TDRD3: variants seen among roughly 807,000 people sequenced by gnomAD.
TDRD3 encodes the protein tudor domain containing 3, also known as tudor domain-containing protein 3.
A neutral mutation model predicts 86.7 loss-of-function variants in TDRD3; 45 were observed. That is an observed-to-expected ratio of 0.52 (90% CI 0.41 to 0.67). The LOEUF is 0.67. Among genes scored for constraint, TDRD3 ranks in the 30% least tolerant of loss-of-function variants. The pLI is 0.00. For missense variants in TDRD3, 814 were observed against 889.0 expected (o/e 0.92, Z 1.07); for synonymous variants, 298 against 301.7 (o/e 0.99, Z 0.13).
At chr13:60,512,171 T>G (rs1957074283) in intron 10 of TDRD3, among the ~76,000 whole-genome samples, 1 of 152,128 alleles carries the variant, frequency 6.6e-6, no homozygotes, top group South Asian at 2.1e-4. Context: ...TCACTTATTA[T>G]GTAGGTGGCA....
chr13:60,506,688 C>T (rs774960523), intron 8 of TDRD3, among the ~76,000 whole-genome samples: 11 of 151,984 alleles, frequency 7.2e-5, no homozygotes, highest in Non-Finnish European at 1.3e-4. Context: ...ACCTGGGAGG[C>T]GGAGTTTGCA....
chr13:60,508,658 T>C (rs1022353358), intron 8 of TDRD3, among the ~76,000 whole-genome samples: 3 of 152,112 alleles, frequency 2.0e-5, no homozygotes, highest in African/African-American at 7.2e-5. Flanking sequence ...CCTAAAACCA[T>C]AAAAATCCTA....
intron 10 of TDRD3, among the ~76,000 whole-genome samples, chr13:60,516,827 G>A (rs1335276986): frequency 1.3e-5 from 2 of 152,094 alleles, no homozygotes; most frequent in Non-Finnish European, 2.9e-5. Flanking sequence ...GCTTTCATCG[G>A]CTTTCACTGT....
chr13:60,569,564 G>GA (rs1337624112), intron 13 of TDRD3, among the ~76,000 whole-genome samples: 2 of 151,836 alleles, frequency 1.3e-5, no homozygotes, highest in Non-Finnish European at 2.9e-5. Context: ...CATATAAATA[G>GA]AAAAAATAAT....
chr13:60,457,368 A>T (rs1168465071), intron 3 of TDRD3, among the ~76,000 whole-genome samples: 3 of 152,228 alleles, frequency 2.0e-5, no homozygotes, highest in Non-Finnish European at 4.4e-5. Context: ...ACTGATTAAA[A>T]TGTATTTTGA....
rs1299331622 is a variant in TDRD3, at chr13:60,528,606, G to C, written c.1381G>C (p.Glu461Gln). 1.9e-6 allele frequency: 3 copies of C among 1,614,028 alleles called. No homozygotes were observed. Among genetic ancestry groups the C allele is most frequent in the Non-Finnish European group, 2.5e-6 (3 of 1,179,946 alleles). The part of the protein sequence containing the change: ...SERPSTSSVS[E>Q]VWAEDRIKCD... Reference sequence around the variant, plus strand: ...AAGACCAAGTACTTCTTCAGTATCTGAAGTATGGGCTGAAGACAGAATCAA... The same window carrying C: ...AAGACCAAGTACTTCTTCAGTATCTCAAGTATGGGCTGAAGACAGAATCAA... Residue 461 changes from glutamate (E) to glutamine (Q), a missense_variant, in exon 11 of 14, where the codon GAA becomes CAA. Transcript: ENST00000377881.
intron 2 of TDRD3, 88 bp from the exon 3 acceptor site, chr13:60,444,595 A>G (rs901812693): frequency 2.5e-6 from 2 of 784,578 alleles, no homozygotes; most frequent in Admixed American, 6.7e-5. Flanking sequence ...TTCACAAACC[A>G]TAAGTAATTT....
intron 5 of TDRD3, among the ~76,000 whole-genome samples, chr13:60,477,426 G>T (rs905991364): frequency 1.3e-5 from 2 of 152,008 alleles, no homozygotes; most frequent in African/African-American, 4.8e-5. Context: ...TGTTGCCCAA[G>T]CTGGTCTCAA....
chr13:60,418,545 A>G (rs189079237), intron 1 of TDRD3, among the ~76,000 whole-genome samples: 244 of 152,292 alleles, frequency 1.6e-3, no homozygotes, highest in Non-Finnish European at 2.9e-3. Flanking sequence ...TAGAGACTCA[A>G]CAAATGTTTA....
chr13:60,445,594 A>G (rs1955379296), intron 3 of TDRD3, among the ~76,000 whole-genome samples: 1 of 152,196 alleles, frequency 6.6e-6, no homozygotes, highest in Admixed American at 6.6e-5. Context: ...CTGGACCTCA[A>G]ACAACCTCTA....
chr13:60,537,237 G>A (rs1404536003), intron 12 of TDRD3: 1 of 151,896 alleles, frequency 6.6e-6, no homozygotes, highest in Non-Finnish European at 1.5e-5. Flanking sequence ...ATTTGCGTAG[G>A]TTACTATAAC....
intron 1 of TDRD3, among the ~76,000 whole-genome samples, chr13:60,417,095 C>T (rs1430655272): frequency 1.3e-5 from 2 of 151,210 alleles, no homozygotes; most frequent in Admixed American, 1.3e-4. Flanking sequence ...TAGCTCACTG[C>T]AGCCTCAATC....
At chr13:60,506,771 C>T (rs767959918) in intron 8 of TDRD3, among the ~76,000 whole-genome samples, 1 of 151,958 alleles carries the variant, frequency 6.6e-6, no homozygotes, top group African/African-American at 2.4e-5. Flanking sequence ...AAAAGAACAT[C>T]GACACTATGA....
chr13:60,459,215 T>G (rs552726691), intron 3 of TDRD3, among the ~76,000 whole-genome samples: 1 of 152,360 alleles, frequency 6.6e-6, no homozygotes, highest in African/African-American at 2.4e-5. Context: ...CATTTCACAT[T>G]TCTCTTTGCT....
intron 7 of TDRD3, among the ~76,000 whole-genome samples, chr13:60,489,792 ATATT>A (rs1956539915): frequency 1.3e-5 from 2 of 152,198 alleles, no homozygotes; most frequent in Admixed American, 1.3e-4. Context: ...TGCATGAAAT[ATATT>A]TATTTTTTTC....
rs561700785 is a variant in TDRD3, at chr13:60,504,452, A to G, written c.859-5311A>G. 2.0e-5 allele frequency among the ~76,000 whole-genome samples: 3 copies of G among 152,336 alleles called. No homozygotes were observed. In the East Asian group the frequency reaches 5.8e-4, roughly 29 times the overall value. ...GGACTTGCCTGTCTGTAAAGCAGGC[A>G]GTTTACAACCTTAAAACATTTAGCA... On this transcript the variant is annotated intron_variant, in intron 8 of 13. Transcript: ENST00000377881.
At chr13:60,560,331 C>A (rs1958303744) in intron 12 of TDRD3, among the ~76,000 whole-genome samples, 2 of 152,118 alleles carry the variant, frequency 1.3e-5, no homozygotes, top group Non-Finnish European at 1.5e-5. Flanking sequence ...AGCATTCATA[C>A]TCCTTTTTGC....
intron 6 of TDRD3, chr13:60,484,647 T>A: frequency 2.3e-6 from 1 of 443,568 alleles, no homozygotes; most frequent in South Asian, 1.6e-5. Context: ...ATCAAACCTA[T>A]TTTGAAGCAT....
chr13:60,399,202 C>A (rs988808963), intron 1 of TDRD3, among the ~76,000 whole-genome samples: 3 of 152,168 alleles, frequency 2.0e-5, no homozygotes, highest in African/African-American at 7.2e-5. Context: ...TTGGAATGCC[C>A]CTGCCAGTCA....
Sources: gnomAD v4.1 joint callset for allele counts (sites outside exome capture counted in the v4.1 genomes callset) on GRCh38, gnomAD v4.1.1 for gene constraint, MANE v1.5 for transcripts, NCBI Gene and HGNC (gene_info 2026-07-23, HGNC 2026-07-21) for gene names.